The following MALRD1 variants were observed in gnomAD, a reference collection of about 807,000 sequenced individuals.
MALRD1 encodes the protein MAM and LDL-receptor class A domain-containing protein 1.
MALRD1 carries 247 observed loss-of-function variants against 242.1 expected under a neutral mutation model. That is an observed-to-expected ratio of 1.02 (90% CI 0.92 to 1.13). The LOEUF (loss-of-function observed/expected upper bound fraction) is 1.13. Ranked by LOEUF, MALRD1 falls within the 50% of genes most tolerant of loss-of-function variation. The pLI is 0.00. For synonymous variants in MALRD1, 995 were observed against 866.6 expected, an observed-to-expected ratio of 1.15 and a Z score of -2.60; for missense variants, 2,989 against 2,533.1, an observed-to-expected ratio of 1.18 and a Z score of -3.86.
chr10:19,346,736 T>C (rs900069580), intron 24 of MALRD1, among the ~76,000 whole-genome samples: 1 of 152,076 alleles, frequency 6.6e-6, no homozygotes, highest in Non-Finnish European at 1.5e-5. Context: ...CTGCACCCTC[T>C]ACCTCCTGGG....
intron 34 of MALRD1, among the ~76,000 whole-genome samples, chr10:19,602,229 G>A (rs1838387479): frequency 6.8e-6 from 1 of 148,022 alleles, no homozygotes; most frequent in Non-Finnish European, 1.5e-5. Flanking sequence ...AAGTTCTGGG[G>A]TGCACGTGCA....
chr10:19,481,801 G>A (rs181700536), intron 29 of MALRD1, among the ~76,000 whole-genome samples: 2 of 152,152 alleles, frequency 1.3e-5, no homozygotes, highest in African/African-American at 4.8e-5. Flanking sequence ...TAGGTAATTC[G>A]AAAGGTCATC....
intron 26 of MALRD1, among the ~76,000 whole-genome samples, chr10:19,376,959 G>A (rs1043145641): frequency 2.6e-5 from 4 of 152,118 alleles, no homozygotes; most frequent in Admixed American, 6.6e-5. Context: ...TAGCAAGGAG[G>A]ACTCTTTTAT....
chr10:19,251,955 TG>T (rs1839310001), intron 18 of MALRD1, among the ~76,000 whole-genome samples: 1 of 151,956 alleles, frequency 6.6e-6, no homozygotes, highest in East Asian at 1.9e-4. Context: ...ATGTAGGAAA[TG>T]CTGGCTTCCC....
At chr10:19,244,444 G>A (rs1199274215) in intron 18 of MALRD1, among the ~76,000 whole-genome samples, 1 of 152,040 alleles carries the variant, frequency 6.6e-6, no homozygotes, top group Non-Finnish European at 1.5e-5. Flanking sequence ...GGTGGCACAT[G>A]CCTGTGGTCC....
Position 19,389,572 on chromosome 10 carries a change from C to T in MALRD1, c.4808C>T (p.Ser1603Phe), listed in dbSNP as rs1475710780. Reference sequence around the variant, plus strand: ...ACCATGAGCTTCTGGTATTTCGTATCTGCAAAGGCCACAGGATCCATTCAG... The same window carrying T: ...ACCATGAGCTTCTGGTATTTCGTATTTGCAAAGGCCACAGGATCCATTCAG... The part of the protein sequence containing the change: ...ACTMSFWYFV[S>F]AKATGSIQIL... Residue 1603 changes from serine to phenylalanine, a missense_variant, in exon 28 of 40, where the codon TCT (serine) becomes TTT (phenylalanine). Ser to Phe is a radical substitution (Grantham distance 155). Transcript: ENST00000454679. The T allele has an allele frequency of 5.2e-6, 8 of 1,550,526 alleles. No homozygotes were observed. Among genetic ancestry groups the T allele is most frequent in the African/African-American group, 2.7e-5 (2 of 73,016 alleles).
chr10:19,521,450 C>T (rs1471796883), intron 31 of MALRD1, among the ~76,000 whole-genome samples: 6 of 152,012 alleles, frequency 3.9e-5, no homozygotes, highest in East Asian at 3.9e-4. Context: ...TTATTGTTTT[C>T]GTTATAAATA....
In MALRD1 at chr10:19,232,515, A is replaced by G. The variant is rs187347696; in HGVS notation, c.2991+22835A>G. ...TTTAACTACTAACCTAAATTATTTT[A>G]AAAGCAAAAGTCTCCTTGGACTCAA... On this transcript the variant is annotated intron_variant, in intron 18 of 39. Transcript: ENST00000454679. Among the ~76,000 whole-genome samples the G allele has an allele frequency of 4.0e-4, 61 of 152,126 alleles. 1 individual carries two copies. In the South Asian group the frequency reaches 0.011, roughly 27 times the overall value.
At chr10:19,557,842 A>G (rs901996645) in intron 32 of MALRD1, among the ~76,000 whole-genome samples, 1 of 152,082 alleles carries the variant, frequency 6.6e-6, no homozygotes, top group African/African-American at 2.4e-5. Context: ...GATTGATTGA[A>G]TCTATAAATT....
At chr10:19,271,621 G>C (rs57609165) in intron 19 of MALRD1, among the ~76,000 whole-genome samples, 1,705 of 152,162 alleles carry the variant, frequency 0.011, 39 homozygotes, top group African/African-American at 0.037. Flanking sequence ...AAACTAGCCA[G>C]GTGTGGTGGC....
chr10:19,378,760 T>TA (rs1462029189), intron 26 of MALRD1, among the ~76,000 whole-genome samples: 1 of 152,162 alleles, frequency 6.6e-6, no homozygotes, highest in Non-Finnish European at 1.5e-5. Context: ...TCATGAGACA[T>TA]ATTGGTCTAT....
At chr10:19,140,537 G>C (rs980864594) in intron 10 of MALRD1, among the ~76,000 whole-genome samples, 6 of 107,816 alleles carry the variant, frequency 5.6e-5, no homozygotes, top group African/African-American at 2.7e-4. Context: ...GTGTGTGTGT[G>C]TGTGTATGTG....
At chr10:19,468,449 T>C (rs1472263117) in intron 29 of MALRD1, among the ~76,000 whole-genome samples, 2 of 152,212 alleles carry the variant, frequency 1.3e-5, no homozygotes, top group African/African-American at 4.8e-5. Context: ...CACTCATTAA[T>C]GTTTTACTCT....
chr10:19,316,972 C>T (rs866675801), intron 21 of MALRD1, among the ~76,000 whole-genome samples: 6 of 151,374 alleles, frequency 4.0e-5, no homozygotes, highest in Middle Eastern at 3.2e-3. Context: ...ACCAATTTTT[C>T]CATGATGTAA....
At chr10:19,336,368 G>T (rs1406386705) in intron 24 of MALRD1, among the ~76,000 whole-genome samples, 2 of 152,120 alleles carry the variant, frequency 1.3e-5, no homozygotes, top group Non-Finnish European at 2.9e-5. Flanking sequence ...ACTTTGTGCT[G>T]TGGTAAGGAT....
At chr10:19,429,962 G>A (rs1834055800) in intron 28 of MALRD1, among the ~76,000 whole-genome samples, 1 of 151,964 alleles carries the variant, frequency 6.6e-6, no homozygotes, top group Non-Finnish European at 1.5e-5. Flanking sequence ...AATGTACCCA[G>A]TCATTACTTC....
intron 12 of MALRD1, among the ~76,000 whole-genome samples, chr10:19,159,499 A>C (rs1588629222): frequency 6.6e-6 from 1 of 152,102 alleles, no homozygotes; most frequent in Non-Finnish European, 1.5e-5. Context: ...GAGGGTTTGG[A>C]GTAAAATCGA....
At chr10:19,323,564 A>G (rs1383708139) in intron 21 of MALRD1, among the ~76,000 whole-genome samples, 2 of 152,176 alleles carry the variant, frequency 1.3e-5, no homozygotes, top group Non-Finnish European at 2.9e-5. Context: ...GAAAAAATAT[A>G]AAGCAATAAA....
intron 33 of MALRD1, among the ~76,000 whole-genome samples, chr10:19,592,377 G>C (rs571416075): frequency 6.6e-6 from 1 of 152,338 alleles, no homozygotes; most frequent in African/African-American, 2.4e-5. Flanking sequence ...GAGGCATAGG[G>C]CCTGGGCCAT....
Sources: gnomAD v4.1 joint callset for allele counts (sites outside exome capture counted in the v4.1 genomes callset) on GRCh38, gnomAD v4.1.1 for gene constraint, MANE v1.5 for transcripts, NCBI Gene and HGNC (gene_info 2026-07-23, HGNC 2026-07-21) for gene names.